The following FBF1 variants were observed in gnomAD, a reference collection of about 807,000 sequenced individuals.
FBF1 encodes fas-binding factor 1.
FBF1 carries 119 observed loss-of-function variants against 147.2 expected under a neutral mutation model. The observed-to-expected ratio is 0.81, with a 90% CI of 0.70 to 0.94. The LOEUF (loss-of-function observed/expected upper bound fraction) is 0.94, where lower values mean the gene tolerates loss of function less well. Among genes scored for constraint, FBF1 ranks in the 40% least tolerant of loss-of-function variants. The pLI is 0.00. For missense variants in FBF1, 1,449 were observed against 1,500.8 expected (o/e 0.97, Z 0.57); for synonymous variants, 601 against 609.0 (o/e 0.99, Z 0.19).
In FBF1 at chr17:75,914,772, TC is replaced by T; in HGVS notation, c.2788del (p.Glu930ArgfsTer14). 1.9e-5 allele frequency: 30 copies of T among 1,586,100 alleles called. No homozygotes were observed. The highest frequency in any genetic ancestry group is 2.6e-5 in the Non-Finnish European group (30 of 1,167,400). The part of the protein sequence containing the change: ...ERALQVDTQR[E>X]GTLISLAKEQ... ...CTTGGCCAGGCTGATGAGGGTGCCCTCCCGCTGGGTGTCCACCTGCAATGCC... is the reference window on the plus strand; with the variant it reads ...CTTGGCCAGGCTGATGAGGGTGCCCTCCGCTGGGTGTCCACCTGCAATGCC... On this transcript the variant is annotated frameshift_variant, in exon 25 of 30. Transcript: ENST00000636174. LOFTEE classifies it high-confidence loss of function.
At chr17:75,935,971 T>C (rs1448392798) in intron 3 of FBF1, among the ~76,000 whole-genome samples, 1 of 151,232 alleles carries the variant, frequency 6.6e-6, no homozygotes, top group Non-Finnish European at 1.5e-5. Context: ...AAGTCAGGAG[T>C]TCGAGACCAG....
rs952970030 is a variant in FBF1 at position 75,928,502 on chromosome 17, CTTT to C, written c.280-312_280-310del. Among the ~76,000 whole-genome samples the C allele has an allele frequency of 6.6e-5, 10 of 151,872 alleles. No individual in the cohort carries two copies. Among genetic ancestry groups the C allele is most frequent in the African/African-American group, 2.2e-4 (9 of 41,336 alleles). The stretch of plus-strand genomic sequence containing the variant: ...TGGCTGGTCTCGGGAAAAAAGCTTT[CTTT>C]TTTTTCTTTTTTTAGACAGGATATT... On this transcript the variant is annotated intron_variant, in intron 7 of 29. Transcript: ENST00000636174. This position sits in a 1 kb window ranked among gnomAD's most constrained non-coding sequence, Gnocchi z 4.2.
intron 4 of FBF1, 121 bp downstream of exon 4, chr17:75,935,511 G>T: frequency 9.9e-7 from 1 of 1,008,986 alleles, no homozygotes; most frequent in Non-Finnish European, 1.4e-6. Context: ...CCAGCACTTT[G>T]GTTTAGGAGG....
intron 23 of FBF1, among the ~76,000 whole-genome samples, chr17:75,916,563 G>C (rs573510894): frequency 2.6e-5 from 4 of 152,198 alleles, no homozygotes; most frequent in African/African-American, 9.6e-5. Flanking sequence ...AGGCTGCAGT[G>C]AGCTATGATC....
At chr17:75,921,842 G>A (rs1381566962) in intron 15 of FBF1, 103 bp downstream of exon 15, 8 of 1,062,034 alleles carry the variant, frequency 7.5e-6, no homozygotes, top group African/African-American at 3.2e-5. Context: ...ACACGGGGAC[G>A]GGGCAGGGGC....
At position 75,926,875 on chromosome 17, in the gene FBF1, A is replaced by C. The variant is rs760609831; in HGVS notation, c.478T>G (p.Leu160Val). 6 of 1,610,740 alleles carry C rather than the reference A, an allele frequency of 3.7e-6. No individual in the cohort carries two copies. The highest frequency in any genetic ancestry group is 5.1e-6 in the Non-Finnish European group (6 of 1,178,484). ...AGAAGTCCTCTCAATGGGTCTTCCAAGTCTCACAGCAGAAGGGAAAGCACA... is the reference window on the plus strand; with the variant it reads ...AGAAGTCCTCTCAATGGGTCTTCCACGTCTCACAGCAGAAGGGAAAGCACA... ...HQNRRFSSED[L>V]EDPLRGLLSY... The change falls in exon 10 of 30, where the codon TTG (leucine) becomes GTG (valine). Residue 160 changes from leucine (L) to valine (V), a missense_variant and splice_region_variant. Physicochemically the swap from Leu to Val is conservative, Grantham distance 32 (BLOSUM62 1). Coordinates refer to ENST00000636174, the MANE Select transcript of FBF1 (RefSeq NM_001319193.2).
intron 29 of FBF1, 89 bp downstream of exon 29, chr17:75,912,103 C>T (rs2065459608): frequency 7.5e-7 from 1 of 1,327,056 alleles, no homozygotes; most frequent in African/African-American, 1.5e-5. Context: ...GTCACCCCTC[C>T]CCAGGGCTAC....
rs187551923 is a variant in FBF1 at position 75,938,588 on chromosome 17, G to A, written c.-83-356C>T. Among the ~76,000 whole-genome samples the A allele has an allele frequency of 4.5e-3, 664 of 149,092 alleles. 4 individuals carry two copies. The highest frequency in any genetic ancestry group is 0.015 in the African/African-American group (609 of 40,366). ...AAAAAAAAAAAAAAAGAGACCGGGC[G>A]CGATGGCTCATGCCTGTAATCCCAA... On this transcript the variant is annotated intron_variant, in intron 1 of 29. Transcript: ENST00000636174.
In FBF1 at chr17:75,937,674, T is replaced by G. The variant is rs1245709382; in HGVS notation, c.4-81A>C. 8.8e-6 allele frequency: 13 copies of G among 1,469,798 alleles called. No individual in the cohort carries two copies. The South Asian group carries it at 1.5e-4, about 17-fold the overall frequency. 91.0% of individuals were successfully genotyped at this position (1,469,798 alleles called of 1,614,324 possible). A position where few individuals can be genotyped will look rare whatever the true frequency, so the allele number is the denominator to read the frequency against. ...AATTGGCAATGCAGAATGAATTGCGTTGCCTTTTGCCAAGTAACCAGAGGC... is the reference window on the plus strand; with the variant it reads ...AATTGGCAATGCAGAATGAATTGCGGTGCCTTTTGCCAAGTAACCAGAGGC... On this transcript the variant is annotated intron_variant, in intron 2 of 29. Transcript: ENST00000636174.
chr17:75,938,263 A>C, intron 1 of FBF1, 31 bp from the exon 2 acceptor site: 1 of 1,503,818 alleles, frequency 6.6e-7, no homozygotes, highest in Non-Finnish European at 9.1e-7. Flanking sequence ...GGTTGCTTAA[A>C]AATGATGTAG....
rs2065553242 is a variant in FBF1, at chr17:75,925,310, GT to G, written c.968+36del. 6.4e-7 allele frequency: 1 copy of G among 1,562,962 alleles called. No individual in the cohort carries two copies. The highest frequency in any genetic ancestry group is 1.4e-5 in the African/African-American group (1 of 73,602). ...GGCCTGTCTTCCCAGTGGCCGACCT[GT>G]CTCAAGAGGCCAAGCCTCCTGCAGG... On this transcript the variant is annotated intron_variant, in intron 13 of 29. Transcript: ENST00000636174. The surrounding 1 kb of genome is among the most constrained non-coding windows in gnomAD (Gnocchi z 5.0).
chr17:75,922,472 C>T lies in FBF1; in HGVS notation c.1425-426G>A, dbSNP rs942568224. ...TCACGGGTCAGTGAAGAGACAGGCT[C>T]TTTTCTGTTTTGGCCTGAGCTTTCC... On this transcript the variant is annotated intron_variant, in intron 14 of 29. Coordinates refer to ENST00000636174, the MANE Select transcript of FBF1 (RefSeq NM_001319193.2). This position sits in a 1 kb window ranked among gnomAD's most constrained non-coding sequence, Gnocchi z 5.0. Among the ~76,000 whole-genome samples, 3 of 152,166 alleles carry T rather than the reference C, an allele frequency of 2.0e-5. No individual in the cohort carries two copies. Among genetic ancestry groups the T allele is most frequent in the Non-Finnish European group, 4.4e-5 (3 of 68,034 alleles).
Position 75,931,259 on chromosome 17 carries a change from G to T in FBF1, c.198C>A (p.Thr66=), listed in dbSNP as rs1340864698. ...KSLLGDDVFS[T]MAGLEEADAE... The stretch of plus-strand genomic sequence containing the variant: ...CATCAGCTTCTTCCAGGCCTGCCAT[G>T]GTGCTGAAGACATCATCACCCAGGA... The change falls in exon 6 of 30, where the codon ACC becomes ACA. Residue 66 remains threonine, a synonymous_variant. Transcript: ENST00000636174. The T allele has an allele frequency of 2.5e-6, 4 of 1,583,212 alleles. No individual in the cohort carries two copies. The highest frequency in any genetic ancestry group is 2.3e-5 in the East Asian group (1 of 43,252).
intron 28 of FBF1, 126 bp downstream of exon 28, chr17:75,913,576 G>A: frequency 1.6e-6 from 1 of 616,144 alleles, no homozygotes; most frequent in Non-Finnish European, 2.7e-6. Flanking sequence ...GTGTAAAAAA[G>A]AAATAAGGCG....
chr17:75,924,973 G>A (rs1399420473), intron 13 of FBF1, among the ~76,000 whole-genome samples: 1 of 152,128 alleles, frequency 6.6e-6, no homozygotes, highest in Non-Finnish European at 1.5e-5. Context: ...CACCGCAGAT[G>A]CCAGTGGTCT....
At position 75,926,778 on chromosome 17, in the gene FBF1, G is replaced by C; in HGVS notation, c.575C>G (p.Pro192Arg). The change falls in exon 10 of 30, where the codon CCC (proline) becomes CGC (arginine). Residue 192 changes from proline (P) to arginine (R), a missense_variant. Physicochemically the swap from Pro to Arg is moderately radical, Grantham distance 103. Coordinates refer to ENST00000636174, the MANE Select transcript of FBF1 (RefSeq NM_001319193.2). ...CCTACCTTGATCTCTCACTGTGCTG[G>C]GGCTCTTGTCAGAAGCTGTTTTACT... ...TQSKTASDKS[P>R]STVRDQGPSI... is the part of the protein sequence containing the mutation. 2 of 1,613,688 alleles carry C rather than the reference G, an allele frequency of 1.2e-6. No individual in the cohort carries two copies. The highest frequency in any genetic ancestry group is 1.7e-6 in the Non-Finnish European group (2 of 1,179,790).
Position 75,919,590 on chromosome 17 carries a change from G to A in FBF1, c.2138+78C>T, listed in dbSNP as rs539702803. 6.4e-5 allele frequency: 95 copies of A among 1,481,324 alleles called. No individual in the cohort carries two copies. Among genetic ancestry groups the A allele is most frequent in the South Asian group, 8.6e-5 (7 of 80,978 alleles). 91.8% of individuals were successfully genotyped at this position (1,481,324 alleles called of 1,614,324 possible). ...TGTCCAAAGGCTGCTGAGCCACAGCGAAGGGTCTCGTGGGGATGGCTCTCT... is the reference window on the plus strand; with the variant it reads ...TGTCCAAAGGCTGCTGAGCCACAGCAAAGGGTCTCGTGGGGATGGCTCTCT... On this transcript the variant is annotated intron_variant, in intron 20 of 29. Coordinates refer to ENST00000636174, the MANE Select transcript of FBF1 (RefSeq NM_001319193.2). The surrounding 1 kb of genome is among the most constrained non-coding windows in gnomAD (Gnocchi z 5.0).
rs541710659 is a variant in FBF1, at chr17:75,917,639, G to T, written c.2505+93C>A. The T allele has an allele frequency of 3.5e-6, 4 of 1,143,408 alleles. No homozygotes were observed. In the East Asian group the frequency reaches 1.0e-4, roughly 30 times the overall value. 70.8% of individuals were successfully genotyped at this position (1,143,408 alleles called of 1,614,324 possible). On this transcript the variant is annotated intron_variant, in intron 23 of 29. Coordinates refer to ENST00000636174, the MANE Select transcript of FBF1 (RefSeq NM_001319193.2). ...GGTGGGGCCTTGACCTCCTGAGGAA[G>T]TGAGGTCACGGGAGTGCCGCTACAC...
rs201706970 is a variant in FBF1, at chr17:75,918,019, G to C, written c.2298C>G (p.His766Gln). 6.2e-6 allele frequency: 10 copies of C among 1,612,348 alleles called. No individual in the cohort carries two copies. In the Admixed American group the frequency reaches 1.7e-4, roughly 27 times the overall value. ...HQMEKFSSSL[H>Q]ELSSRVEASH... ...AGGCCTCCACGCGGGAGGACAACTC[G>C]TGCAGGCTGCTGGAGAACTTCTCCA... The change falls in exon 22 of 30, where the codon CAC (histidine) becomes CAG (glutamine). Residue 766 changes from histidine to glutamine, a missense_variant. Transcript: ENST00000636174. This position sits in a 1 kb window ranked among gnomAD's most constrained non-coding sequence, Gnocchi z 5.8.
Sources: gnomAD v4.1 joint callset for allele counts (sites outside exome capture counted in the v4.1 genomes callset) on GRCh38, gnomAD v4.1.1 for gene constraint, Gnocchi (gnomAD v3.1) non-coding constraint, MANE v1.5 for transcripts, NCBI Gene and HGNC (gene_info 2026-07-23, HGNC 2026-07-21) for gene names.